The following ABCC9 variants were observed in gnomAD, a reference collection of about 807,000 sequenced individuals.
ABCC9 encodes the protein ATP binding cassette subfamily C member 9.
Under a neutral mutation model 188.3 loss-of-function variants are expected in ABCC9, and 95 were observed. The ratio of observed to expected loss-of-function variants is 0.50; its 90% CI spans 0.43 to 0.60. The LOEUF (loss-of-function observed/expected upper bound fraction) is 0.60. ABCC9 is among the 20% of genes least tolerant of loss of function. The probability of loss-of-function intolerance (pLI) is 0.00; values close to 1 mark genes in which losing one functional copy is unlikely to be tolerated. For missense variants in ABCC9, 1,102 were observed against 1,876.3 expected, an observed-to-expected ratio of 0.59 and a Z score of 7.62; for synonymous variants, 659 against 652.7, an observed-to-expected ratio of 1.01 and a Z score of -0.15.
In ABCC9 at chr12:21,910,317, CAA is replaced by C. The variant is rs35857705; in HGVS notation, c.1165-7_1165-6del. The C allele has an allele frequency of 0.024, 32,490 of 1,344,202 alleles. No homozygotes were observed. Among genetic ancestry groups the C allele is most frequent in the Admixed American group, 0.033 (1,435 of 43,864 alleles). The allele number at this position is 1,344,202 out of a possible 1,614,324, so 83.3% of individuals were successfully genotyped here. A position where few individuals can be genotyped will look rare whatever the true frequency, so the allele number is the denominator to read the frequency against. On this transcript the variant is annotated splice_region_variant and splice_polypyrimidine_tract_variant and intron_variant, in intron 9 of 39. Transcript: ENST00000261200. ...GATTTTATTATAAATCATGGCCTAC[CAA>C]AAAAAAAAAAAAGAGTACATAAAGC...
At chr12:21,819,791 C>T (rs1942920247) in intron 31 of ABCC9, among the ~76,000 whole-genome samples, 1 of 152,058 alleles carries the variant, frequency 6.6e-6, no homozygotes, top group South Asian at 2.1e-4. Flanking sequence ...AAATTTAATT[C>T]CATATTGATG....
intron 30 of ABCC9, among the ~76,000 whole-genome samples, chr12:21,832,099 C>G (rs1046237522): frequency 6.6e-6 from 1 of 152,182 alleles, no homozygotes; most frequent in Non-Finnish European, 1.5e-5. Flanking sequence ...GAAACTTTGA[C>G]ACACTCAGCC....
chr12:21,930,915 A>G (rs564050010), intron 4 of ABCC9, among the ~76,000 whole-genome samples: 1 of 152,286 alleles, frequency 6.6e-6, no homozygotes, highest in South Asian at 2.1e-4. Flanking sequence ...AAAGATGTAT[A>G]TAGGGAATCT....
At chr12:21,828,202 A>G (rs1048483541) in intron 31 of ABCC9, among the ~76,000 whole-genome samples, 2 of 152,200 alleles carry the variant, frequency 1.3e-5, no homozygotes, top group Non-Finnish European at 2.9e-5. Context: ...ACTACAAACT[A>G]TATTCCTTGC....
In ABCC9 at chr12:21,845,716, TG is replaced by T. The variant is rs1457021038; in HGVS notation, c.2982del (p.Ile995SerfsTer2). 1 of 1,613,814 alleles carries T rather than the reference TG, an allele frequency of 6.2e-7. No homozygotes were observed. The highest frequency in any genetic ancestry group is 8.5e-7 in the Non-Finnish European group (1 of 1,179,850). ...AAAAGCTTAGAGAAAATCATCAGGATGAGCAGGAAGAATCCTCCAGATGTCA... is the reference window on the plus strand; with the variant it reads ...AAAAGCTTAGAGAAAATCATCAGGATAGCAGGAAGAATCCTCCAGATGTCA... ...RYLTSGGFFLLILMIFSKLLK... is the reference protein window; with the variant it reads ...RYLTSGGFFLXILMIFSKLLK... On this transcript the variant is annotated frameshift_variant, in exon 26 of 40. Transcript: ENST00000261200. LOFTEE classifies it high-confidence loss of function.
intron 12 of ABCC9, among the ~76,000 whole-genome samples, chr12:21,900,540 G>A (rs539263734): frequency 7.8e-4 from 119 of 152,194 alleles, no homozygotes; most frequent in Non-Finnish European, 1.4e-3. Context: ...CAAACCCATC[G>A]CAAACAAGCT....
At chr12:21,901,095 CAG>C (rs140731339) in intron 12 of ABCC9, among the ~76,000 whole-genome samples, 52,677 of 151,978 alleles carry the variant, frequency 0.35, 9,472 homozygotes, top group Admixed American at 0.39. Flanking sequence ...ATCAGACTAA[CAG>C]GGGATCTCTC....
intron 14 of ABCC9, 50 bp downstream of exon 14, chr12:21,893,982 G>A (rs372198090): frequency 2.2e-5 from 35 of 1,588,590 alleles, no homozygotes; most frequent in African/African-American, 1.2e-4. Context: ...ATTAGCACAC[G>A]TCATTTCTAT....
intron 16 of ABCC9, among the ~76,000 whole-genome samples, chr12:21,878,413 C>T (rs1327107581): frequency 3.3e-5 from 5 of 152,206 alleles, no homozygotes; most frequent in Non-Finnish European, 7.3e-5. Flanking sequence ...ATGCCTTCTA[C>T]ACATGTATAA....
chr12:21,836,978 C>T (rs1269420216), intron 30 of ABCC9, among the ~76,000 whole-genome samples: 1 of 152,012 alleles, frequency 6.6e-6, no homozygotes, highest in Admixed American at 6.6e-5. Context: ...AATGAAAGGC[C>T]GTGTCTTTTT....
intron 14 of ABCC9, among the ~76,000 whole-genome samples, chr12:21,891,713 A>G (rs1947168976): frequency 6.6e-6 from 1 of 152,206 alleles, no homozygotes. Context: ...ATCCCATTCT[A>G]ACCCACCAAG....
Position 21,916,989 on chromosome 12 carries a change from A to T in ABCC9, c.521T>A (p.Val174Asp). 1 of 1,613,868 alleles carries T rather than the reference A, an allele frequency of 6.2e-7. No homozygotes were observed. Among genetic ancestry groups the T allele is most frequent in the Non-Finnish European group, 8.5e-7 (1 of 1,179,820 alleles). ...NLRFCITGMM[V>D]ILNGLLMAVE... ...AGCCATCAAGAGCCCATTCAAGATG[A>T]CCATCATGCCTGTGATGCAGAAACG... The change falls in exon 6 of 40, where the codon GTC (valine) becomes GAC (aspartate). Residue 174 changes from valine (V) to aspartate (D), a missense_variant. Physicochemically the swap from Val to Asp is radical, Grantham distance 152. This residue lies in a region of ABCC9 where 305 missense variants were observed against 573.0 expected (regional missense o/e 0.53). Transcript: ENST00000261200.
chr12:21,873,086 A>G (rs1026707931), intron 17 of ABCC9, among the ~76,000 whole-genome samples: 1 of 151,914 alleles, frequency 6.6e-6, no homozygotes, highest in Non-Finnish European at 1.5e-5. Flanking sequence ...CTCTTCTCCA[A>G]TTTCTATTTG....
chr12:21,916,041 C>A (rs2137922695), intron 6 of ABCC9, 131 bp from the exon 7 acceptor site: 2 of 858,420 alleles, frequency 2.3e-6, no homozygotes, highest in East Asian at 2.7e-5. Flanking sequence ...CTCCTTCCAT[C>A]CCTTTCTGAA....
At chr12:21,918,112 G>A (rs929347874) in intron 5 of ABCC9, among the ~76,000 whole-genome samples, 5 of 151,846 alleles carry the variant, frequency 3.3e-5, no homozygotes, top group Non-Finnish European at 5.9e-5. Flanking sequence ...AAGTAGATGG[G>A]AAAGATATAC....
intron 36 of ABCC9, among the ~76,000 whole-genome samples, chr12:21,810,528 A>G (rs553749806): frequency 4.7e-4 from 72 of 152,242 alleles, no homozygotes; most frequent in African/African-American, 1.5e-3. Context: ...CCTTCTTCAC[A>G]TGGTGGCAGG....
intron 15 of ABCC9, among the ~76,000 whole-genome samples, chr12:21,886,417 C>T (rs1946877180): frequency 6.6e-6 from 1 of 151,994 alleles, no homozygotes; most frequent in African/African-American, 2.4e-5. Context: ...ATCAGCTCAA[C>T]CTCTAAAGTG....
At position 21,882,863 on chromosome 12, in the gene ABCC9, G is replaced by A. The variant is rs1301599988; in HGVS notation, c.1922C>T (p.Thr641Ile). The A allele has an allele frequency of 6.2e-7, 1 of 1,613,674 alleles. No individual in the cohort carries two copies. The highest frequency in any genetic ancestry group is 1.3e-5 in the African/African-American group (1 of 75,002). ...TCTTCCAGGCTGTTTCCTGTTTATA[G>A]TTTTTGGCTGCTGCATTCCAAATGG... is the stretch of plus-strand genomic sequence containing the variant. ...CKKHTGVQPK[T>I]INRKQPGRYH... is the part of the protein sequence containing the mutation. Residue 641 changes from threonine to isoleucine, a missense_variant, in exon 16 of 40, where the codon ACT (threonine) becomes ATT (isoleucine). Coordinates refer to ENST00000261200, the MANE Select transcript of ABCC9 (RefSeq NM_020297.4).
intron 14 of ABCC9, among the ~76,000 whole-genome samples, chr12:21,888,294 T>C (rs1360363267): frequency 6.6e-6 from 1 of 152,098 alleles, no homozygotes; most frequent in Admixed American, 6.6e-5. Flanking sequence ...AAAATAACAC[T>C]AATGAGGAAA....
Sources: allele counts gnomAD v4.1 joint callset (sites outside exome capture counted in the v4.1 genomes callset), GRCh38; gene constraint gnomAD v4.1.1; regional missense constraint gnomAD v4.1.1; transcripts MANE v1.5; gene names NCBI Gene and HGNC (gene_info 2026-07-23, HGNC 2026-07-21).